The following CCSER1 variants were observed in gnomAD, a reference collection of about 807,000 sequenced individuals.
CCSER1 encodes the protein coiled-coil serine rich protein 1.
CCSER1 carries 41 observed loss-of-function variants against 82.0 expected under a neutral mutation model. The observed-to-expected ratio is 0.50, with a 90% CI of 0.39 to 0.65. The LOEUF (loss-of-function observed/expected upper bound fraction) is 0.65, where lower values mean the gene tolerates loss of function less well. Ranked by LOEUF, CCSER1 falls within the 30% of genes least tolerant of loss-of-function variation. The pLI is 0.00. For missense variants in CCSER1, 1,119 were observed against 1,064.2 expected (o/e 1.05, Z -0.72); for synonymous variants, 414 against 383.9 (o/e 1.08, Z -0.92).
intron 7 of CCSER1, among the ~76,000 whole-genome samples, chr4:90,810,963 G>T (rs1310655173): frequency 2.0e-5 from 3 of 150,716 alleles, no homozygotes; most frequent in Non-Finnish European, 4.4e-5. Context: ...CTCCTGAGTA[G>T]CTGGGACTAC....
chr4:90,421,465 C>T (rs1162651254), intron 4 of CCSER1, among the ~76,000 whole-genome samples: 2 of 152,038 alleles, frequency 1.3e-5, no homozygotes, highest in Admixed American at 1.3e-4. Context: ...GGCTCTTCAA[C>T]CTTTTGATAA....
chr4:91,418,526 A>G (rs1352639807), intron 10 of CCSER1, among the ~76,000 whole-genome samples: 1 of 152,000 alleles, frequency 6.6e-6, no homozygotes, highest in African/African-American at 2.4e-5. Flanking sequence ...ACTAAATCAT[A>G]AAGAAATAGA....
At chr4:91,170,675 C>A (rs567612965) in intron 10 of CCSER1, among the ~76,000 whole-genome samples, 2 of 152,264 alleles carry the variant, frequency 1.3e-5, no homozygotes, top group South Asian at 4.1e-4. Flanking sequence ...AGTAGAAACT[C>A]ATTGTATAAG....
chr4:91,102,556 C>A (rs1194686290), intron 10 of CCSER1, among the ~76,000 whole-genome samples: 1 of 152,118 alleles, frequency 6.6e-6, no homozygotes, highest in Non-Finnish European at 1.5e-5. Flanking sequence ...AATCAATATG[C>A]ATTTAGATGT....
At chr4:91,208,895 G>A (rs1472764262) in intron 10 of CCSER1, among the ~76,000 whole-genome samples, 1 of 151,886 alleles carries the variant, frequency 6.6e-6, no homozygotes, top group Non-Finnish European at 1.5e-5. Flanking sequence ...TCTTTGAGCA[G>A]TGTCTTGTAA....
At chr4:91,132,319 A>G (rs1164804771) in intron 10 of CCSER1, among the ~76,000 whole-genome samples, 1 of 152,176 alleles carries the variant, frequency 6.6e-6, no homozygotes, top group African/African-American at 2.4e-5. Flanking sequence ...TATAAGATGA[A>G]TAAGGACTGT....
At chr4:91,274,394 C>T (rs977971294) in intron 10 of CCSER1, among the ~76,000 whole-genome samples, 2 of 152,078 alleles carry the variant, frequency 1.3e-5, no homozygotes, top group African/African-American at 4.8e-5. Context: ...CTATAGTCAC[C>T]CTACTCTGCT....
chr4:90,258,169 G>A (rs1723685275), intron 1 of CCSER1, among the ~76,000 whole-genome samples: 1 of 152,106 alleles, frequency 6.6e-6, no homozygotes, highest in Admixed American at 6.6e-5. Flanking sequence ...CTCCCATTCT[G>A]TATTTAAGGG....
intron 6 of CCSER1, among the ~76,000 whole-genome samples, chr4:90,707,667 C>G (rs1739663080): frequency 6.6e-6 from 1 of 152,082 alleles, no homozygotes; most frequent in African/African-American, 2.4e-5. Flanking sequence ...TCCACACTCA[C>G]CCTTCTACAG....
rs371973796 is a variant in CCSER1 at position 90,276,317 on chromosome 4, TTTTCTTTC to T, written c.-41-31912_-41-31905del. Among the ~76,000 whole-genome samples, 2 of 113,318 alleles carry T rather than the reference TTTTCTTTC, an allele frequency of 1.8e-5. 1 individual carries two copies. Among genetic ancestry groups the T allele is most frequent in the South Asian group, 5.4e-4 (2 of 3,700 alleles). The allele number at this position is 113,318 out of a possible 152,430, so 74.3% of individuals were successfully genotyped here. A position where few individuals can be genotyped will look rare whatever the true frequency, so the allele number is the denominator to read the frequency against. On this transcript the variant is annotated intron_variant, in intron 1 of 10. Coordinates refer to ENST00000509176, the MANE Select transcript of CCSER1 (RefSeq NM_001145065.2). ...TTCCTTCCTTCCTTCCTTTCTTTCT[TTTTCTTTC>T]TTTCTTTCTTTCTTCTTTCTTTCTT...
At chr4:90,739,164 G>A (rs1277091647) in intron 7 of CCSER1, among the ~76,000 whole-genome samples, 1 of 152,190 alleles carries the variant, frequency 6.6e-6, no homozygotes, top group African/African-American at 2.4e-5. Flanking sequence ...GAGCCCAAGG[G>A]CTGTTTAGTC....
intron 10 of CCSER1, among the ~76,000 whole-genome samples, chr4:91,118,797 A>G (rs1436733532): frequency 2.0e-5 from 3 of 152,122 alleles, no homozygotes; most frequent in Non-Finnish European, 4.4e-5. Context: ...TAAGTGTTAG[A>G]CTGTGTCATT....
intron 10 of CCSER1, among the ~76,000 whole-genome samples, chr4:91,379,937 G>C (rs1750742357): frequency 6.6e-6 from 1 of 152,132 alleles, no homozygotes; most frequent in African/African-American, 2.4e-5. Flanking sequence ...AGAGATTCTG[G>C]TATGTTGTGT....
At chr4:91,374,685 C>A (rs545940725) in intron 10 of CCSER1, among the ~76,000 whole-genome samples, 1 of 152,278 alleles carries the variant, frequency 6.6e-6, no homozygotes, top group Admixed American at 6.5e-5. Flanking sequence ...TTTTGACTTT[C>A]AAGTTTTGTT....
At chr4:91,082,053 G>GA (rs1230516858) in intron 9 of CCSER1, among the ~76,000 whole-genome samples, 1 of 152,042 alleles carries the variant, frequency 6.6e-6, no homozygotes, top group Non-Finnish European at 1.5e-5. Flanking sequence ...CACAGAAGTG[G>GA]AAAAAAACTA....
chr4:90,279,561 A>G (rs1728518623), intron 1 of CCSER1, among the ~76,000 whole-genome samples: 1 of 152,048 alleles, frequency 6.6e-6, no homozygotes. Context: ...TATTTGCACA[A>G]TGAAGCCAAC....
intron 1 of CCSER1, among the ~76,000 whole-genome samples, chr4:90,151,577 C>G (rs1015304305): frequency 4.0e-5 from 6 of 151,882 alleles, no homozygotes; most frequent in Non-Finnish European, 8.8e-5. Flanking sequence ...TCTTAAAAAT[C>G]TAGAATAAAT....
intron 10 of CCSER1, among the ~76,000 whole-genome samples, chr4:91,142,670 AG>A (rs775969391): frequency 3.8e-4 from 58 of 152,312 alleles, no homozygotes; most frequent in Non-Finnish European, 6.3e-4. Flanking sequence ...ATTGAAAAGT[AG>A]GAGTTTAGTT....
At chr4:91,013,712 C>T (rs1739192315) in intron 9 of CCSER1, among the ~76,000 whole-genome samples, 1 of 127,440 alleles carries the variant, frequency 7.8e-6, no homozygotes, top group Non-Finnish European at 1.8e-5. Context: ...ACGCCATTCT[C>T]CTGCCTCAGG....
Sources: allele counts gnomAD v4.1 joint callset (sites outside exome capture counted in the v4.1 genomes callset), GRCh38; gene constraint gnomAD v4.1.1; transcripts MANE v1.5; gene names NCBI Gene and HGNC (gene_info 2026-07-23, HGNC 2026-07-21).